IGSF21: variants seen among roughly 807,000 people sequenced by gnomAD.
IGSF21 encodes the protein immunoglobin superfamily member 21.
In IGSF21, 28 loss-of-function variants were observed where a neutral mutation model predicts 46.8. The observed-to-expected ratio is 0.60, with a 90% confidence interval of 0.44 to 0.82. The LOEUF (loss-of-function observed/expected upper bound fraction) is 0.82, where lower values mean the gene tolerates loss of function less well. IGSF21 is among the 40% of genes least tolerant of loss of function. IGSF21 has a pLI of 0.00. For missense variants in IGSF21, 624 were observed against 665.5 expected (o/e 0.94, Z 0.69); for synonymous variants, 284 against 273.6 (o/e 1.04, Z -0.38).
In IGSF21 at chr1:18,220,905, C is replaced by T. The variant is rs141741008; in HGVS notation, c.71-6993C>T. Among the ~76,000 whole-genome samples the T allele has an allele frequency of 5.6e-3, 854 of 152,278 alleles. 7 individuals carry two copies. Among genetic ancestry groups the T allele is most frequent in the African/African-American group, 0.019 (778 of 41,538 alleles). ...GTGCCAGAGGAACCTGAGAGCTAGG[C>T]ATGGGCCAGATCTCCCTGCTGGGAG... On this transcript the variant is annotated intron_variant, in intron 1 of 9. Coordinates refer to ENST00000251296, the MANE Select transcript of IGSF21 (RefSeq NM_032880.5).
In IGSF21 at chr1:18,273,462, CTCTTTCTTTCTTTCTTTCTTTCTT is replaced by C. The variant is rs200010749; in HGVS notation, c.184-18369_184-18346del. On this transcript the variant is annotated intron_variant, in intron 2 of 9. Transcript: ENST00000251296. ...TCTTTCTCACTTTCTTTCTTTCTCT[CTCTTTCTTTCTTTCTTTCTTTCTT>C]TCTTTCTTTCTTTCTTTCTTTCTTT... 4.7e-3 allele frequency among the ~76,000 whole-genome samples: 290 copies of C among 61,930 alleles called. 23 individuals are homozygous for C. In the East Asian group the frequency reaches 0.048, roughly 10 times the overall value. 40.6% of individuals were successfully genotyped at this position (61,930 alleles called of 152,430 possible).
At chr1:18,165,326 G>A (rs759519910) in intron 1 of IGSF21, among the ~76,000 whole-genome samples, 37 of 152,206 alleles carry the variant, frequency 2.4e-4, no homozygotes, top group Non-Finnish European at 3.4e-4. Context: ...CTGGACTTGC[G>A]GATGGTCACC....
rs72936973 is a variant in IGSF21, at chr1:18,309,533, T to C, written c.305+17546T>C. 5.2e-3 allele frequency among the ~76,000 whole-genome samples: 799 copies of C among 152,262 alleles called. 6 individuals are homozygous for C. The highest frequency in any genetic ancestry group is 0.017 in the African/African-American group (723 of 41,550). ...TAGACCACACCCCCTCCTTTCCCCA[T>C]TGGCGTGGAAGTTCATTTCAGGAGA... On this transcript the variant is annotated intron_variant, in intron 3 of 9. Transcript: ENST00000251296.
intron 4 of IGSF21, among the ~76,000 whole-genome samples, chr1:18,346,643 C>A (rs1028717888): frequency 6.6e-6 from 1 of 151,972 alleles, no homozygotes; most frequent in African/African-American, 2.4e-5. Flanking sequence ...CCAATGCAAC[C>A]ACGTGATCTC....
intron 4 of IGSF21, 172 bp from the exon 5 acceptor site, chr1:18,361,943 G>A (rs1038725987): frequency 1.7e-6 from 1 of 590,180 alleles, no homozygotes; most frequent in East Asian, 2.8e-5. Flanking sequence ...TTCCCAGCAA[G>A]GACGTGTTCC....
rs111721151 is a variant in IGSF21, at chr1:18,225,062, ATC to A, written c.71-2813_71-2812del. On this transcript the variant is annotated intron_variant, in intron 1 of 9. Coordinates refer to ENST00000251296, the MANE Select transcript of IGSF21 (RefSeq NM_032880.5). ...CCTGGATGACAGAGTGAGACTCTGT[ATC>A]TCTCTCTCTCTCTCTCTCTCTCACA... Among the ~76,000 whole-genome samples the A allele has an allele frequency of 5.3e-3, 335 of 63,784 alleles. 3 individuals are homozygous for A. Among genetic ancestry groups the A allele is most frequent in the African/African-American group, 0.015 (262 of 16,946 alleles). 41.8% of individuals were successfully genotyped at this position (63,784 alleles called of 152,430 possible).
intron 1 of IGSF21, among the ~76,000 whole-genome samples, chr1:18,160,546 G>A (rs2086609160): frequency 1.3e-5 from 2 of 152,104 alleles, no homozygotes; most frequent in Admixed American, 1.3e-4. Flanking sequence ...GAACTTGTGT[G>A]TTTTCTGGTT....
chr1:18,135,080 A>G (rs532211718), intron 1 of IGSF21, among the ~76,000 whole-genome samples: 1 of 152,258 alleles, frequency 6.6e-6, no homozygotes, highest in African/African-American at 2.4e-5. Context: ...CCAAACCCCA[A>G]ACGTGAAATG....
chr1:18,224,486 CATTAT>C (rs999986671), intron 1 of IGSF21, among the ~76,000 whole-genome samples: 1 of 152,196 alleles, frequency 6.6e-6, no homozygotes, highest in African/African-American at 2.4e-5. Flanking sequence ...TGCTTTTCCT[CATTAT>C]GTTTATCACC....
intron 2 of IGSF21, among the ~76,000 whole-genome samples, chr1:18,241,436 G>T (rs1039097683): frequency 2.0e-5 from 3 of 152,190 alleles, no homozygotes; most frequent in African/African-American, 7.2e-5. Context: ...GGGAGACTGA[G>T]GTTAGGTGAG....
At chr1:18,278,120 G>T (rs1475867262) in intron 2 of IGSF21, among the ~76,000 whole-genome samples, 3 of 152,110 alleles carry the variant, frequency 2.0e-5, no homozygotes, top group African/African-American at 7.2e-5. Context: ...ACTTTGGAAG[G>T]CATCGAATAA....
At chr1:18,370,876 A>G (rs1236066643) in intron 6 of IGSF21, among the ~76,000 whole-genome samples, 1 of 152,242 alleles carries the variant, frequency 6.6e-6, no homozygotes, top group Non-Finnish European at 1.5e-5. Context: ...TCCATGAGAT[A>G]CCATTTCACA....
chr1:18,197,662 A>G (rs2087022338), intron 1 of IGSF21, among the ~76,000 whole-genome samples: 1 of 152,190 alleles, frequency 6.6e-6, no homozygotes, highest in African/African-American at 2.4e-5. Flanking sequence ...CAGGCTCTGG[A>G]GGCAGCCTGT....
chr1:18,196,506 G>T (rs977873045), intron 1 of IGSF21, among the ~76,000 whole-genome samples: 20 of 152,200 alleles, frequency 1.3e-4, no homozygotes, highest in Non-Finnish European at 7.3e-5. Flanking sequence ...CCCAGGGTCT[G>T]TCCTCACTGC....
intron 1 of IGSF21, among the ~76,000 whole-genome samples, chr1:18,118,316 A>G (rs1354671289): frequency 6.6e-6 from 1 of 151,804 alleles, no homozygotes; most frequent in East Asian, 1.9e-4. Context: ...CGTTCATCAC[A>G]GGCTGCCCTG....
intron 3 of IGSF21, among the ~76,000 whole-genome samples, chr1:18,315,912 G>T (rs894056483): frequency 2.0e-5 from 3 of 152,134 alleles, no homozygotes; most frequent in Non-Finnish European, 4.4e-5. Context: ...TGGATGGATG[G>T]ACAGATGTGC....
chr1:18,362,195 G>C lies in IGSF21; in HGVS notation c.505G>C (p.Val169Leu). 6.2e-7 allele frequency: 1 copy of C among 1,613,114 alleles called. No individual in the cohort carries two copies. The highest frequency in any genetic ancestry group is 8.5e-7 in the Non-Finnish European group (1 of 1,179,652). ...CTACCAAGCCCAGAACTTCACGCTG[G>C]TCTGCATCGTGTCTGGAGGAAAACC... is the stretch of plus-strand genomic sequence containing the variant. ...SRYQAQNFTL[V>L]CIVSGGKPAP... Residue 169 changes from valine to leucine, a missense_variant, in exon 5 of 10, where the codon GTC (valine) becomes CTC (leucine). Transcript: ENST00000251296.
chr1:18,303,775 G>C (rs1186280676), intron 3 of IGSF21, among the ~76,000 whole-genome samples: 1 of 152,202 alleles, frequency 6.6e-6, no homozygotes, highest in East Asian at 1.9e-4. Flanking sequence ...TAGCAACACA[G>C]AGAGAGGTGG....
At chr1:18,159,087 A>T (rs980511328) in intron 1 of IGSF21, among the ~76,000 whole-genome samples, 3 of 152,120 alleles carry the variant, frequency 2.0e-5, no homozygotes, top group Non-Finnish European at 4.4e-5. Context: ...CCATCCCCTG[A>T]CCATCACATC....
Sources: allele counts gnomAD v4.1 joint callset (sites outside exome capture counted in the v4.1 genomes callset), GRCh38; gene constraint gnomAD v4.1.1; transcripts MANE v1.5; gene names NCBI Gene and HGNC (gene_info 2026-07-23, HGNC 2026-07-21).